Variants in NOC2L observed in about 807,000 individuals in gnomAD.
NOC2L encodes NOC2 like nucleolar associated transcriptional repressor, also known as nucleolar complex protein 2 homolog.
In NOC2L, 101 loss-of-function variants were observed where a neutral mutation model predicts 94.2. That is an observed-to-expected ratio of 1.07 (90% confidence interval 0.91 to 1.26). The LOEUF is 1.26. Among genes scored for constraint, NOC2L ranks in the 50% most tolerant of loss-of-function variants. The probability of loss-of-function intolerance (pLI) is 0.00; values close to 1 mark genes in which losing one functional copy is unlikely to be tolerated. For missense variants in NOC2L, 1,076 were observed against 980.1 expected, an observed-to-expected ratio of 1.10 and a Z score of -1.31; for synonymous variants, 531 against 413.4, an observed-to-expected ratio of 1.28 and a Z score of -3.45.
At position 955,429 on chromosome 1, in the gene NOC2L, G is replaced by A. The variant is rs147254461; in HGVS notation, c.698+494C>T. Among the ~76,000 whole-genome samples, 341 of 152,280 alleles carry A rather than the reference G, an allele frequency of 2.2e-3. 1 individual carries two copies. The highest frequency in any genetic ancestry group is 3.2e-3 in the Non-Finnish European group (216 of 68,026). ...TGCTCTACCAAATGCTTGGCCGTGCGTCTCTCTTCTCTGAAAACCTTCCAC... is the reference window on the plus strand; with the variant it reads ...TGCTCTACCAAATGCTTGGCCGTGCATCTCTCTTCTCTGAAAACCTTCCAC... On this transcript the variant is annotated intron_variant, in intron 6 of 18. Transcript: ENST00000327044.
At chr1:953,967 C>T in intron 7 of NOC2L, 37 bp downstream of exon 7, 1 of 1,604,084 alleles carries the variant, frequency 6.2e-7, no homozygotes, top group South Asian at 1.1e-5. Context: ...CCACCAGATA[C>T]AGCCAGGCCC....
intron 12 of NOC2L, 51 bp downstream of exon 12, chr1:951,076 T>TC (rs1642248558): frequency 8.6e-6 from 12 of 1,388,176 alleles, no homozygotes; most frequent in Non-Finnish European, 1.1e-5. Flanking sequence ...CAGCAGATGC[T>TC]CCCTACAGGA....
chr1:957,569 G>A (rs1642447536), intron 2 of NOC2L: 5 of 380,206 alleles, frequency 1.3e-5, no homozygotes, highest in Admixed American at 4.0e-5. Flanking sequence ...TGTGCCCTGC[G>A]CTACTTTTGC....
rs748928754 is a variant in NOC2L at position 952,593 on chromosome 1, T to C, written c.1010A>G (p.Tyr337Cys). 1 of 1,613,670 alleles carries C rather than the reference T, an allele frequency of 6.2e-7. No individual in the cohort carries two copies. The highest frequency in any genetic ancestry group is 1.1e-5 in the South Asian group (1 of 91,092). ...CTTGCAGTTCCTCACATACGTGATGTACATTTGCTGCGGAGAGACCCGGGT... is the reference window on the plus strand; with the variant it reads ...CTTGCAGTTCCTCACATACGTGATGCACATTTGCTGCGGAGAGACCCGGGT... ...TFLGPVLKQM[Y>C]ITYVRNCKFT... Residue 337 changes from tyrosine (Y) to cysteine (C), a missense_variant, in exon 10 of 19, where the codon TAC (tyrosine) becomes TGC (cysteine). Around this residue, in one of 3 missense-constraint regions of NOC2L, gnomAD observed 615 missense variants for 577.4 expected, o/e 1.07. Transcript: ENST00000327044.
intron 12 of NOC2L, among the ~76,000 whole-genome samples, chr1:949,477 G>A (rs1042085240): frequency 3.3e-5 from 5 of 152,252 alleles, no homozygotes; most frequent in Admixed American, 6.5e-5. Context: ...AGGCACCGGG[G>A]AAGGGCAGGC....
Position 945,097 on chromosome 1 carries a change from C to CTCTTCATCG in NOC2L, c.2094_2102dup (p.Asp698_Glu700dup). On this transcript the variant is annotated inframe_insertion, in exon 18 of 19. Coordinates refer to ENST00000327044, the MANE Select transcript of NOC2L (RefSeq NM_015658.4). ...TGTCCTCCTCGCCCTCCTCCTCGTC[C>CTCTTCATCG]TCTTCATCGTCTTCCACCCCATGCC... 6.2e-7 allele frequency: 1 copy of CTCTTCATCG among 1,613,880 alleles called. No individual in the cohort carries two copies. Among genetic ancestry groups the CTCTTCATCG allele is most frequent in the Non-Finnish European group, 8.5e-7 (1 of 1,179,908 alleles).
intron 14 of NOC2L, 57 bp from the exon 15 acceptor site, chr1:946,602 G>A: frequency 1.3e-6 from 2 of 1,582,838 alleles, no homozygotes; most frequent in East Asian, 2.3e-5. Flanking sequence ...TGCACAGCTG[G>A]CCCAGGTCCT....
At chr1:951,922 A>G (rs1364628915) in intron 11 of NOC2L, 78 bp downstream of exon 11, 1 of 1,512,586 alleles carries the variant, frequency 6.6e-7, no homozygotes, top group Non-Finnish European at 8.9e-7. Context: ...CCTGAACGCC[A>G]GAGGCACCGC....
At chr1:948,291 GC>G (rs1642170184) in intron 13 of NOC2L, 59 bp from the exon 14 acceptor site, 4 of 1,389,308 alleles carry the variant, frequency 2.9e-6, no homozygotes, top group South Asian at 1.2e-5. Context: ...GGGCACTCAG[GC>G]CCCTTCCCCT....
At chr1:955,610 C>T (rs949456373) in intron 6 of NOC2L, among the ~76,000 whole-genome samples, 1 of 152,188 alleles carries the variant, frequency 6.6e-6, no homozygotes, top group Non-Finnish European at 1.5e-5. Context: ...CAAGTTCTTA[C>T]AAAGGGAAAT....
rs1233224058 is a variant in NOC2L at position 956,751 on chromosome 1, C to G, written c.486+143G>C. 3.3e-6 allele frequency: 4 copies of G among 1,209,336 alleles called. No homozygotes were observed. In the East Asian group the frequency reaches 7.0e-5, roughly 21 times the overall value. 74.9% of individuals were successfully genotyped at this position (1,209,336 alleles called of 1,614,324 possible). A position where few individuals can be genotyped will look rare whatever the true frequency, so the allele number is the denominator to read the frequency against. On this transcript the variant is annotated intron_variant, in intron 4 of 18. Transcript: ENST00000327044. ...TGGAGAACAGCCCCTCCCACCAGCA[C>G]AGCCTCAGGCGCCTCAGGTGAGGCA...
Position 952,610 on chromosome 1 carries a change from G to C in NOC2L, c.1003-10C>G, listed in dbSNP as rs766362250. On this transcript the variant is annotated splice_polypyrimidine_tract_variant and intron_variant, in intron 9 of 18. Transcript: ENST00000327044. ...ACGTGATGTACATTTGCTGCGGAGAGACCCGGGTCAGAGCCACCTGGGATC... is the reference window on the plus strand; with the variant it reads ...ACGTGATGTACATTTGCTGCGGAGACACCCGGGTCAGAGCCACCTGGGATC... The C allele has an allele frequency of 3.3e-5, 54 of 1,613,234 alleles. No individual in the cohort carries two copies. The highest frequency in any genetic ancestry group is 4.5e-5 in the Non-Finnish European group (53 of 1,179,960).
At position 951,057 on chromosome 1, in the gene NOC2L, C is replaced by T. The variant is rs1016625965; in HGVS notation, c.1443+70G>A. The T allele has an allele frequency of 9.8e-6, 12 of 1,222,630 alleles. No individual in the cohort carries two copies. In the Admixed American group the frequency reaches 1.2e-4, roughly 12 times the overall value. 75.7% of individuals were successfully genotyped at this position (1,222,630 alleles called of 1,614,324 possible). ...AAGTCGCCGGACAACTCAGCACAGACGCCCGGAGCAGCAGATGCTCCCTAC... is the reference window on the plus strand; with the variant it reads ...AAGTCGCCGGACAACTCAGCACAGATGCCCGGAGCAGCAGATGCTCCCTAC... On this transcript the variant is annotated intron_variant, in intron 12 of 18. Coordinates refer to ENST00000327044, the MANE Select transcript of NOC2L (RefSeq NM_015658.4).
chr1:950,303 A>G (rs1642219790), intron 12 of NOC2L, among the ~76,000 whole-genome samples: 3 of 152,258 alleles, frequency 2.0e-5, no homozygotes, highest in Middle Eastern at 6.8e-3. Flanking sequence ...ACACAGGTAC[A>G]TAGATGCACG....
At chr1:948,110 C>A in intron 14 of NOC2L, 21 bp downstream of exon 14, 1 of 1,549,446 alleles carries the variant, frequency 6.5e-7, no homozygotes, top group South Asian at 1.2e-5. Flanking sequence ...GGCCACGAGC[C>A]GGTGTGGGCA....
chr1:953,986 T>C lies in NOC2L; in HGVS notation c.777+18A>G. 1 of 1,603,286 alleles carries C rather than the reference T, an allele frequency of 6.2e-7. No homozygotes were observed. The highest frequency in any genetic ancestry group is 1.1e-5 in the South Asian group (1 of 89,450). On this transcript the variant is annotated intron_variant, in intron 7 of 18. Coordinates refer to ENST00000327044, the MANE Select transcript of NOC2L (RefSeq NM_015658.4). ...CAGATACAGCCAGGCCCCCGTGCCC[T>C]CCCCACCAGAATAGCACCTGTATGG...
rs113267738 is a variant in NOC2L at position 953,836 on chromosome 1, G to A, written c.834C>T (p.Ser278=). Residue 278 remains serine, a synonymous_variant, in exon 8 of 19, where the codon AGC becomes AGT. Coordinates refer to ENST00000327044, the MANE Select transcript of NOC2L (RefSeq NM_015658.4). ...AGGTCAGGAAGCAGGGCACCAGCAC[G>A]CTGATGTGCCGCAGCACGGCCGCCA... is the stretch of plus-strand genomic sequence containing the variant. ...TVLAAVLRHI[S]VLVPCFLTFP... The A allele has an allele frequency of 9.5e-4, 1,530 of 1,613,088 alleles. 19 individuals are homozygous for A. The South Asian group carries it at 0.011, about 11-fold the overall frequency.
chr1:944,378 G>C lies in NOC2L; in HGVS notation c.*316C>G. 7.4e-7 allele frequency: 1 copy of C among 1,345,046 alleles called. No homozygotes were observed. Among genetic ancestry groups the C allele is most frequent in the Non-Finnish European group, 9.5e-7 (1 of 1,048,698 alleles). 83.3% of individuals were successfully genotyped at this position (1,345,046 alleles called of 1,614,324 possible). A position where few individuals can be genotyped will look rare whatever the true frequency, so the allele number is the denominator to read the frequency against. On this transcript the variant is annotated 3_prime_UTR_variant, in exon 19 of 19. Coordinates refer to ENST00000327044, the MANE Select transcript of NOC2L (RefSeq NM_015658.4). ...GGTCTGCAGACGGAGGGCAGAGGTG[G>C]TGGAAGGGGCCAGGGGCCTGCAGGC... is the stretch of plus-strand genomic sequence containing the variant.
chr1:949,465 C>G (rs1331555557), intron 12 of NOC2L, among the ~76,000 whole-genome samples: 1 of 152,218 alleles, frequency 6.6e-6, no homozygotes, highest in Non-Finnish European at 1.5e-5. Flanking sequence ...GGCTTCCTGT[C>G]CAGGCACCGG....
Sources: gnomAD v4.1 joint callset for allele counts (sites outside exome capture counted in the v4.1 genomes callset) on GRCh38, gnomAD v4.1.1 for gene constraint, gnomAD v4.1.1 regional missense constraint, MANE v1.5 for transcripts, NCBI Gene and HGNC (gene_info 2026-07-23, HGNC 2026-07-21) for gene names.